PTPN7: variants seen among roughly 807,000 people sequenced by gnomAD.
PTPN7 encodes protein tyrosine phosphatase non-receptor type 7, also known as tyrosine-protein phosphatase non-receptor type 7.
PTPN7 carries 33 observed loss-of-function variants against 50.3 expected under a neutral mutation model. The ratio of observed to expected loss-of-function variants is 0.66; its 90% CI spans 0.50 to 0.88. The LOEUF is 0.88. Ranked by LOEUF, PTPN7 falls within the 40% of genes least tolerant of loss-of-function variation. The probability of loss-of-function intolerance (pLI) is 0.00; values close to 1 mark genes in which losing one functional copy is unlikely to be tolerated. For synonymous variants in PTPN7, 185 were observed against 186.6 expected (o/e 0.99, Z 0.07); for missense variants, 412 against 475.4 (o/e 0.87, Z 1.24).
At chr1:202,148,845 C>T (rs1367578203) in intron 9 of PTPN7, 146 bp from the exon 10 acceptor site, 5 of 235,690 alleles carry the variant, frequency 2.1e-5, no homozygotes, top group South Asian at 1.0e-4. Flanking sequence ...TTCATCTTTT[C>T]ACTTTTTTTT....
intron 5 of PTPN7, among the ~76,000 whole-genome samples, chr1:202,154,548 A>G (rs934944484): frequency 6.6e-6 from 1 of 152,162 alleles, no homozygotes; most frequent in Non-Finnish European, 1.5e-5. Context: ...TACCACTATA[A>G]GCCAGTTACC....
intron 5 of PTPN7, 84 bp from the exon 6 acceptor site, chr1:202,154,407 G>A (rs982409441): frequency 6.6e-6 from 10 of 1,505,606 alleles, no homozygotes; most frequent in East Asian, 4.6e-5. Flanking sequence ...AGGTGCTGGG[G>A]TCAGCCTGAA....
At position 202,159,361 on chromosome 1, in the gene PTPN7, CA is replaced by C. The variant is rs1657078197; in HGVS notation, c.41del (p.Leu14Ter). On this transcript the variant is annotated frameshift_variant, in exon 2 of 10. Transcript: ENST00000691036. LOFTEE classifies it high-confidence loss of function. This position sits in a 1 kb window ranked among gnomAD's most constrained non-coding sequence, Gnocchi z 4.6. ...AHGGRSRAQPLTLSLGAAMTQ... is the reference protein window; with the variant it reads ...AHGGRSRAQPXTLSLGAAMTQ... ...TCATGGCTGCCCCCAAAGACAAGGT[CA>C]ACGGCTGTGCTCTGGAGCGCCCCCC... The C allele has an allele frequency of 6.2e-7, 1 of 1,614,206 alleles. No individual in the cohort carries two copies. Among genetic ancestry groups the C allele is most frequent in the Non-Finnish European group, 8.5e-7 (1 of 1,180,046 alleles).
chr1:202,150,237 G>C, intron 9 of PTPN7, 74 bp downstream of exon 9: 1 of 1,155,970 alleles, frequency 8.7e-7, no homozygotes, highest in African/African-American at 1.5e-5. Flanking sequence ...GATGGGCCTA[G>C]CAGAACTCTG....
Position 202,160,499 on chromosome 1 carries a change from A to G in PTPN7, c.-53+46T>C. The G allele has an allele frequency of 6.6e-7, 1 of 1,507,958 alleles. No individual in the cohort carries two copies. The highest frequency in any genetic ancestry group is 9.0e-7 in the Non-Finnish European group (1 of 1,116,796). 93.4% of individuals were successfully genotyped at this position (1,507,958 alleles called of 1,614,324 possible). Reference sequence around the variant, plus strand: ...GCCCTCTTATATCCCCGGAGTTCGCACCCCCCGGGGCCACAGGACTCCCAG... The same window carrying G: ...GCCCTCTTATATCCCCGGAGTTCGCGCCCCCCGGGGCCACAGGACTCCCAG... On this transcript the variant is annotated intron_variant, in intron 1 of 9. Coordinates refer to ENST00000691036, the MANE Select transcript of PTPN7 (RefSeq NM_002832.4). The surrounding 1 kb of genome is among the most constrained non-coding windows in gnomAD (Gnocchi z 4.8).
chr1:202,160,662 GC>G (rs1557982441), upstream of PTPN7: 3 of 1,550,380 alleles, frequency 1.9e-6, no homozygotes, highest in African/African-American at 2.7e-5. This position sits in a 1 kb window ranked among gnomAD's most constrained non-coding sequence, Gnocchi z 4.8. Context: ...CCTCCTTGCT[GC>G]CACCCACGCA....
Position 202,160,110 on chromosome 1 carries a change from G to A in PTPN7, c.-53+435C>T, listed in dbSNP as rs1175042197. 2.3e-5 allele frequency: 11 copies of A among 484,218 alleles called. No homozygotes were observed. The highest frequency in any genetic ancestry group is 4.2e-5 in the African/African-American group (2 of 47,690). The allele number at this position is 484,218 out of a possible 1,614,324, so 30.0% of individuals were successfully genotyped here. ...AAATGGCCTCACCAAGCCCTTGAAC[G>A]ACAGCGCATGGTGAGGCGACAGCTG... On this transcript the variant is annotated intron_variant, in intron 1 of 9. Coordinates refer to ENST00000691036, the MANE Select transcript of PTPN7 (RefSeq NM_002832.4). This position sits in a 1 kb window ranked among gnomAD's most constrained non-coding sequence, Gnocchi z 4.8.
Position 202,155,493 on chromosome 1 carries a change from TC to T in PTPN7, c.468+39del, listed in dbSNP as rs764555899. On this transcript the variant is annotated intron_variant, in intron 5 of 9. Transcript: ENST00000691036. ...AAGATATTCTCAGACGTCTGAGAAT[TC>T]CCCCATTCCCCGCCCACCACTGCAG... The T allele has an allele frequency of 1.9e-3, 2,924 of 1,509,290 alleles. 4 individuals are homozygous for T. Among genetic ancestry groups the T allele is most frequent in the Non-Finnish European group, 2.2e-3 (2,362 of 1,086,718 alleles). The allele number at this position is 1,509,290 out of a possible 1,614,324, so 93.5% of individuals were successfully genotyped here.
rs142493225 is a variant in PTPN7 at position 202,150,363 on chromosome 1, C to A, written c.937G>T (p.Ala313Ser). 20 of 1,613,136 alleles carry A rather than the reference C, an allele frequency of 1.2e-5. No homozygotes were observed. The African/African-American group carries it at 2.3e-4, about 18-fold the overall frequency. The change falls in exon 9 of 10, where the codon GCC (alanine) becomes TCC (serine). Residue 313 changes from alanine (A) to serine (S), a missense_variant. Ala to Ser is a moderately conservative substitution (Grantham distance 99). Coordinates refer to ENST00000691036, the MANE Select transcript of PTPN7 (RefSeq NM_002832.4). ...CCCAGAATGTCCACTTCTCCTCGGGCTTTCAGCTGTTGACAGCCAATTCGC... is the reference window on the plus strand; with the variant it reads ...CCCAGAATGTCCACTTCTCCTCGGGATTTCAGCTGTTGACAGCCAATTCGC... The part of the protein sequence containing the change: ...ATRIGCQQLK[A>S]RGEVDILGIV...
At chr1:202,154,041 A>G in intron 6 of PTPN7, 145 bp downstream of exon 6, 1 of 1,231,946 alleles carries the variant, frequency 8.1e-7, no homozygotes, top group Non-Finnish European at 1.2e-6. Context: ...TCCCAGGGCT[A>G]TATCTCAGGG....
Position 202,160,359 on chromosome 1 carries a change from C to G in PTPN7, c.-53+186G>C, listed in dbSNP as rs954415159. Among the ~76,000 whole-genome samples, 2 of 152,114 alleles carry G rather than the reference C, an allele frequency of 1.3e-5. No homozygotes were observed. Among genetic ancestry groups the G allele is most frequent in the Admixed American group, 1.3e-4 (2 of 15,276 alleles). On this transcript the variant is annotated intron_variant, in intron 1 of 9. Coordinates refer to ENST00000691036, the MANE Select transcript of PTPN7 (RefSeq NM_002832.4). This position sits in a 1 kb window ranked among gnomAD's most constrained non-coding sequence, Gnocchi z 4.8. ...CCTTCAGCCTCTGCTCTCCTTGTAG[C>G]TCCCTGTGGCTTCCCTGCTCACCCC...
At chr1:202,154,156 T>C (rs1441037102) in intron 6 of PTPN7, 30 bp downstream of exon 6, 1 of 1,612,974 alleles carries the variant, frequency 6.2e-7, no homozygotes, top group Admixed American at 1.7e-5. Context: ...ACTTTCTGGG[T>C]TCATCATGAA....
upstream of PTPN7, chr1:202,160,677 C>A: frequency 6.4e-7 from 1 of 1,550,568 alleles, no homozygotes; most frequent in Non-Finnish European, 8.7e-7. This position sits in a 1 kb window ranked among gnomAD's most constrained non-coding sequence, Gnocchi z 4.8. Context: ...CCACGCACAC[C>A]CCAGCTGCAT....
At chr1:202,151,473 A>G (rs541149242) in intron 8 of PTPN7, among the ~76,000 whole-genome samples, 1 of 152,254 alleles carries the variant, frequency 6.6e-6, no homozygotes, top group African/African-American at 2.4e-5. Flanking sequence ...ACTTGGTTCT[A>G]TGGTCCCCAT....
chr1:202,161,131 C>T (rs746696419), upstream of PTPN7: 132 of 1,225,912 alleles, frequency 1.1e-4, no homozygotes, highest in Non-Finnish European at 1.2e-4. Context: ...GGCACAGACT[C>T]GGGGTGGGGA....
In PTPN7 at chr1:202,159,267, A is replaced by C; in HGVS notation, c.122+14T>G. ...TCAGGGCTCGGAAGACCCCTCCCCC[A>C]GGGAAGATCTCACCTCTCCTGCAGT... On this transcript the variant is annotated intron_variant, in intron 2 of 9. Transcript: ENST00000691036. This position sits in a 1 kb window ranked among gnomAD's most constrained non-coding sequence, Gnocchi z 4.6. 6.2e-7 allele frequency: 1 copy of C among 1,612,942 alleles called. No individual in the cohort carries two copies. Among genetic ancestry groups the C allele is most frequent in the Non-Finnish European group, 8.5e-7 (1 of 1,179,080 alleles).
Position 202,148,581 on chromosome 1 carries a change from C to T in PTPN7, c.*25G>A, listed in dbSNP as rs1388669002. 1 of 1,606,674 alleles carries T rather than the reference C, an allele frequency of 6.2e-7. No homozygotes were observed. Among genetic ancestry groups the T allele is most frequent in the East Asian group, 2.2e-5 (1 of 44,798 alleles). ...TCCCAGGCTTGAGGGAGGTAGGCAC[C>T]TGGGCCACCGGAGGGTGGCAGGGGT... On this transcript the variant is annotated 3_prime_UTR_variant, in exon 10 of 10. Coordinates refer to ENST00000691036, the MANE Select transcript of PTPN7 (RefSeq NM_002832.4).
chr1:202,158,401 C>G (rs1269690047), intron 2 of PTPN7, 100 bp from the exon 3 acceptor site: 2 of 1,315,134 alleles, frequency 1.5e-6, no homozygotes, highest in Non-Finnish European at 2.1e-6. Flanking sequence ...TCTCTGTTGC[C>G]CAGGTCTGGA....
In PTPN7 at chr1:202,148,278, C is replaced by A; in HGVS notation, c.*328G>T. 4.2e-6 allele frequency: 1 copy of A among 239,452 alleles called. No individual in the cohort carries two copies. The highest frequency in any genetic ancestry group is 8.0e-6 in the Non-Finnish European group (1 of 124,344). 14.8% of individuals were successfully genotyped at this position (239,452 alleles called of 1,614,324 possible). On this transcript the variant is annotated 3_prime_UTR_variant, in exon 10 of 10. Transcript: ENST00000691036. ...AAACTGAAGCTCACAAAGAGTGTCT[C>A]AGAGAACACCAGGACACCTGGGCTT... is the stretch of plus-strand genomic sequence containing the variant.
Sources: gnomAD v4.1 joint callset for allele counts (sites outside exome capture counted in the v4.1 genomes callset) on GRCh38, gnomAD v4.1.1 for gene constraint, Gnocchi (gnomAD v3.1) non-coding constraint, MANE v1.5 for transcripts, NCBI Gene and HGNC (gene_info 2026-07-23, HGNC 2026-07-21) for gene names.